FAM120A: variants seen among roughly 807,000 people sequenced by gnomAD.
FAM120A encodes the protein family with sequence similarity 120 member A.
Under a neutral mutation model 109.7 loss-of-function variants are expected in FAM120A, and 15 were observed. The observed-to-expected ratio is 0.14, with a 90% CI of 0.09 to 0.21. The LOEUF (loss-of-function observed/expected upper bound fraction) is 0.21, where lower values mean the gene tolerates loss of function less well. Ranked by LOEUF, FAM120A falls within the 10% of genes least tolerant of loss-of-function variation. The pLI, the probability that FAM120A is intolerant of heterozygous loss-of-function variation, is 1.00. For synonymous variants in FAM120A, 493 were observed against 572.8 expected, an observed-to-expected ratio of 0.86 and a Z score of 1.99; for missense variants, 899 against 1,439.3, an observed-to-expected ratio of 0.62 and a Z score of 6.07.
chr9:93,556,706 G>A (rs1587636052), intron 13 of FAM120A, 115 bp downstream of exon 13: 2 of 1,059,814 alleles, frequency 1.9e-6, no homozygotes, highest in East Asian at 5.0e-5. Context: ...TCTGTTTTAG[G>A]TTGGGCCTGG....
chr9:93,478,055 A>G (rs1275679790), intron 3 of FAM120A, among the ~76,000 whole-genome samples: 1 of 152,258 alleles, frequency 6.6e-6, no homozygotes, highest in East Asian at 1.9e-4. Context: ...TTTACCCATG[A>G]AAATGTCAGC....
intron 1 of FAM120A, among the ~76,000 whole-genome samples, chr9:93,454,535 T>C (rs554034914): frequency 1.3e-4 from 20 of 152,182 alleles, no homozygotes; most frequent in Non-Finnish European, 2.1e-4. Context: ...ATCTATTTTC[T>C]AAACTCAGCT....
At chr9:93,507,262 AAGTAGAT>A (rs1452630356) in intron 5 of FAM120A, among the ~76,000 whole-genome samples, 1 of 152,158 alleles carries the variant, frequency 6.6e-6, no homozygotes, top group Admixed American at 6.5e-5. Context: ...GAGATGGAAT[AAGTAGAT>A]AGTAGATATT....
chr9:93,561,307 T>G, intron 16 of FAM120A, 57 bp downstream of exon 16: 6 of 1,511,466 alleles, frequency 4.0e-6, no homozygotes, highest in Non-Finnish European at 4.4e-6. Context: ...AGCTTCTAAC[T>G]TGCTTTTTTT....
At chr9:93,516,443 G>A (rs1012717401) in intron 7 of FAM120A, among the ~76,000 whole-genome samples, 174 bp downstream of exon 7, 2 of 152,198 alleles carry the variant, frequency 1.3e-5, no homozygotes, top group Non-Finnish European at 2.9e-5. Context: ...GAGAGGAAGA[G>A]TAGGTATGTT....
chr9:93,556,596 GC>G lies in FAM120A; in HGVS notation c.2484+6del. 1 of 1,613,880 alleles carries G rather than the reference GC, an allele frequency of 6.2e-7. No individual in the cohort carries two copies. The highest frequency in any genetic ancestry group is 8.5e-7 in the Non-Finnish European group (1 of 1,179,712). On this transcript the variant is annotated splice_donor_region_variant and intron_variant, in intron 13 of 17. Coordinates refer to ENST00000277165, the MANE Select transcript of FAM120A (RefSeq NM_014612.5). ...ATTGACCTCTGTGATGGTCAGGTAT[GC>G]TGCGGGGCCGGGTGGCTGCCTTTAA...
chr9:93,477,942 C>A (rs4744243), intron 3 of FAM120A, among the ~76,000 whole-genome samples: 75,903 of 151,970 alleles, frequency 0.5, 19,165 homozygotes, highest in East Asian at 0.61. Context: ...CCGTATATCC[C>A]CCATCTTGGT....
At chr9:93,537,041 C>T (rs1478475890) in intron 10 of FAM120A, among the ~76,000 whole-genome samples, 5 of 152,178 alleles carry the variant, frequency 3.3e-5, no homozygotes, top group Non-Finnish European at 7.3e-5. Flanking sequence ...AGGGTGGAAC[C>T]CAGAGACCTT....
intron 1 of FAM120A, among the ~76,000 whole-genome samples, chr9:93,453,769 G>T (rs1026438736): frequency 6.6e-6 from 1 of 152,206 alleles, no homozygotes; most frequent in African/African-American, 2.4e-5. Context: ...GGAGCCTGGG[G>T]CGCTCAGGGA....
intron 12 of FAM120A, among the ~76,000 whole-genome samples, chr9:93,553,325 C>G (rs1862169706): frequency 6.6e-6 from 1 of 152,162 alleles, no homozygotes; most frequent in Non-Finnish European, 1.5e-5. Context: ...GCCTTAAATT[C>G]TTTTAACAGT....
At chr9:93,544,427 A>T (rs1280173087) in intron 11 of FAM120A, among the ~76,000 whole-genome samples, 1 of 152,192 alleles carries the variant, frequency 6.6e-6, no homozygotes, top group Non-Finnish European at 1.5e-5. Flanking sequence ...CTCACAGCCC[A>T]CAGCTCAGTA....
At chr9:93,552,527 A>C (rs2131548666) in intron 12 of FAM120A, among the ~76,000 whole-genome samples, 1 of 152,262 alleles carries the variant, frequency 6.6e-6, no homozygotes, top group Non-Finnish European at 1.5e-5. Flanking sequence ...TGAGAAAGCT[A>C]TAAGGAAAAA....
intron 1 of FAM120A, among the ~76,000 whole-genome samples, chr9:93,458,726 T>C (rs1311510993): frequency 1.3e-5 from 2 of 152,218 alleles, no homozygotes; most frequent in African/African-American, 4.8e-5. Context: ...ATTACACTTT[T>C]GTATTACTGT....
chr9:93,519,732 G>A lies in FAM120A; in HGVS notation c.1418+3463G>A, dbSNP rs868240550. ...TGTGGGACACCCTGCAAAATAAATG[G>A]CCTAGTTTCCCCAACAATGAATCAG... On this transcript the variant is annotated intron_variant, in intron 7 of 17. Coordinates refer to ENST00000277165, the MANE Select transcript of FAM120A (RefSeq NM_014612.5). Among the ~76,000 whole-genome samples, 5 of 152,170 alleles carry A rather than the reference G, an allele frequency of 3.3e-5. 1 individual carries two copies. Among genetic ancestry groups the A allele is most frequent in the Middle Eastern group, 6.8e-3 (2 of 294 alleles).
Position 93,564,678 on chromosome 9 carries a change from CT to C in FAM120A, c.*141del. 1 of 634,106 alleles carries C rather than the reference CT, an allele frequency of 1.6e-6. No homozygotes were observed. 39.3% of individuals were successfully genotyped at this position (634,106 alleles called of 1,614,324 possible). On this transcript the variant is annotated 3_prime_UTR_variant, in exon 18 of 18. Coordinates refer to ENST00000277165, the MANE Select transcript of FAM120A (RefSeq NM_014612.5). ...GAGGACTTTGGAAATTCAGATCCCT[CT>C]TTGATATCAGAGATTTAAACAACAC...
Position 93,471,269 on chromosome 9 carries a change from T to C in FAM120A, c.603T>C (p.His201=). The change falls in exon 2 of 18, where the codon CAT becomes CAC. Residue 201 remains histidine (H), a synonymous_variant. Coordinates refer to ENST00000277165, the MANE Select transcript of FAM120A (RefSeq NM_014612.5). ...LCNIPYYFSA[H]ALKLSRNGKS... ...ACATCCCCTACTATTTCAGTGCCCATGCCCTAAAACTGAGCCGGAACGGGA... is the reference window on the plus strand; with the variant it reads ...ACATCCCCTACTATTTCAGTGCCCACGCCCTAAAACTGAGCCGGAACGGGA... The C allele has an allele frequency of 6.2e-7, 1 of 1,614,190 alleles. No individual in the cohort carries two copies. Among genetic ancestry groups the C allele is most frequent in the South Asian group, 1.1e-5 (1 of 91,084 alleles).
intron 11 of FAM120A, among the ~76,000 whole-genome samples, chr9:93,546,646 G>C (rs902967493): frequency 1.3e-5 from 2 of 152,172 alleles, no homozygotes; most frequent in African/African-American, 4.8e-5. Flanking sequence ...GCCTGGCAGC[G>C]GAGTGCTGGC....
At position 93,556,564 on chromosome 9, in the gene FAM120A, C is replaced by G. The variant is rs1164895488; in HGVS notation, c.2457C>G (p.Thr819=). Residue 819 remains threonine, a synonymous_variant, in exon 13 of 18, where the codon ACC becomes ACG. Coordinates refer to ENST00000277165, the MANE Select transcript of FAM120A (RefSeq NM_014612.5). ...SKLLKASREK[T]PLIDLCDGQA... Reference sequence around the variant, plus strand: ...TCCTCAAAGCCAGCCGGGAAAAGACCCCACTCATTGACCTCTGTGATGGTC... The same window carrying G: ...TCCTCAAAGCCAGCCGGGAAAAGACGCCACTCATTGACCTCTGTGATGGTC... 1.2e-6 allele frequency: 2 copies of G among 1,614,174 alleles called. No homozygotes were observed. The highest frequency in any genetic ancestry group is 1.7e-6 in the Non-Finnish European group (2 of 1,180,010).
At chr9:93,476,410 G>A (rs1858550902) in intron 3 of FAM120A, 72 bp downstream of exon 3, 1 of 1,014,962 alleles carries the variant, frequency 9.9e-7, no homozygotes, top group African/African-American at 1.6e-5. Context: ...TTAATAACAT[G>A]TTAGGCCCTT....
Sources: gnomAD v4.1 joint callset for allele counts (sites outside exome capture counted in the v4.1 genomes callset) on GRCh38, gnomAD v4.1.1 for gene constraint, MANE v1.5 for transcripts, NCBI Gene and HGNC (gene_info 2026-07-23, HGNC 2026-07-21) for gene names.